MIPOL1: variants seen among roughly 807,000 people sequenced by gnomAD.
MIPOL1 encodes mirror-image polydactyly gene 1 protein.
Under a neutral mutation model 60.9 loss-of-function variants are expected in MIPOL1, and 57 were observed. The observed-to-expected ratio is 0.94, with a 90% CI of 0.76 to 1.17. The LOEUF is 1.17. MIPOL1 is among the 50% of genes most tolerant of loss of function. The probability of loss-of-function intolerance (pLI) is 0.00; values close to 1 mark genes in which losing one functional copy is unlikely to be tolerated. For missense variants in MIPOL1, 551 were observed against 511.6 expected (o/e 1.08, Z -0.74); for synonymous variants, 179 against 168.8 (o/e 1.06, Z -0.47).
intron 10 of MIPOL1, among the ~76,000 whole-genome samples, chr14:37,422,223 A>T (rs898853965): frequency 4.6e-5 from 7 of 152,064 alleles, no homozygotes; most frequent in Non-Finnish European, 1.0e-4. Context: ...AAATTATAGC[A>T]GGAAGGAACA....
intron 9 of MIPOL1, among the ~76,000 whole-genome samples, chr14:37,350,297 T>C (rs1003781689): frequency 6.6e-6 from 1 of 152,172 alleles, no homozygotes; most frequent in Admixed American, 6.5e-5. Flanking sequence ...TGGTTGGTCT[T>C]GCACTCCTGG....
intron 3 of MIPOL1, among the ~76,000 whole-genome samples, chr14:37,258,818 C>T (rs1325219100): frequency 6.6e-6 from 1 of 151,712 alleles, no homozygotes; most frequent in Non-Finnish European, 1.5e-5. Flanking sequence ...TTGATTCATT[C>T]GTGACTACTT....
intron 11 of MIPOL1, among the ~76,000 whole-genome samples, chr14:37,436,722 C>T (rs1334851402): frequency 1.3e-5 from 2 of 152,178 alleles, no homozygotes; most frequent in African/African-American, 2.4e-5. Flanking sequence ...GCAGTACAGT[C>T]AGATATCCGG....
chr14:37,395,312 G>A (rs1459449147), intron 10 of MIPOL1, among the ~76,000 whole-genome samples: 1 of 152,092 alleles, frequency 6.6e-6, no homozygotes, highest in Admixed American at 6.5e-5. Context: ...GATAGGGATT[G>A]CATTGAATTT....
chr14:37,483,349 A>C (rs559910846), intron 11 of MIPOL1, among the ~76,000 whole-genome samples: 1 of 152,178 alleles, frequency 6.6e-6, no homozygotes, highest in Admixed American at 6.5e-5. Context: ...TCCTGGGCTC[A>C]AGCGATCGAA....
chr14:37,221,857 C>T (rs1968827123), intron 1 of MIPOL1, among the ~76,000 whole-genome samples: 1 of 152,140 alleles, frequency 6.6e-6, no homozygotes, highest in African/African-American at 2.4e-5. Flanking sequence ...AGGGGACATT[C>T]AAACCATGGC....
intron 9 of MIPOL1, among the ~76,000 whole-genome samples, chr14:37,340,990 C>T (rs916540055): frequency 6.6e-6 from 1 of 152,090 alleles, no homozygotes; most frequent in Non-Finnish European, 1.5e-5. Context: ...GTTACACTTG[C>T]CTACAGTATT....
chr14:37,399,336 G>A lies in MIPOL1; in HGVS notation c.937-23519G>A, dbSNP rs80099077. On this transcript the variant is annotated intron_variant, in intron 10 of 12. Transcript: ENST00000684589. ...ACTTGCCCTATGAGATTCCATCTTC[G>A]TATATGCTTTCACATCTCCTTCTCC... is the stretch of plus-strand genomic sequence containing the variant. Among the ~76,000 whole-genome samples, 747 of 152,214 alleles carry A rather than the reference G, an allele frequency of 4.9e-3. 4 individuals carry two copies. Among genetic ancestry groups the A allele is most frequent in the African/African-American group, 0.015 (643 of 41,532 alleles).
At chr14:37,518,484 A>G (rs375841923) in intron 12 of MIPOL1, among the ~76,000 whole-genome samples, 1 of 152,078 alleles carries the variant, frequency 6.6e-6, no homozygotes. Flanking sequence ...ACAGGCACAC[A>G]TCAACACACC....
At chr14:37,471,074 A>G (rs2094682710) in intron 11 of MIPOL1, among the ~76,000 whole-genome samples, 2 of 152,210 alleles carry the variant, frequency 1.3e-5, no homozygotes, top group African/African-American at 4.8e-5. Context: ...AAAACTGCAC[A>G]TGTACTCACT....
intron 11 of MIPOL1, among the ~76,000 whole-genome samples, chr14:37,484,495 G>T (rs182915893): frequency 1.3e-3 from 194 of 151,918 alleles, no homozygotes; most frequent in African/African-American, 4.6e-3. Flanking sequence ...GTCCTACCGC[G>T]CCCAGCACAT....
intron 10 of MIPOL1, among the ~76,000 whole-genome samples, chr14:37,399,078 A>G (rs774900125): frequency 1.1e-4 from 16 of 152,346 alleles, no homozygotes; most frequent in Middle Eastern, 6.8e-3. Context: ...GCTCTACACT[A>G]TAAGGGGCCA....
chr14:37,522,064 AT>A (rs142633093), intron 12 of MIPOL1, among the ~76,000 whole-genome samples: 12,261 of 149,070 alleles, frequency 0.082, 1,661 homozygotes, highest in African/African-American at 0.28. Context: ...ACTCTCATCA[AT>A]TTAACACATT....
intron 6 of MIPOL1, 117 bp downstream of exon 6, chr14:37,270,642 T>C: frequency 2.5e-5 from 1 of 39,404 alleles, no homozygotes; most frequent in East Asian, 5.1e-4. Context: ...GAAGCTCTCC[T>C]TTTTTTTTTT....
At position 37,369,546 on chromosome 14, in the gene MIPOL1, T is replaced by C. The variant is rs773280496; in HGVS notation, c.858T>C (p.His286=). The C allele has an allele frequency of 1.2e-6, 2 of 1,613,330 alleles. No individual in the cohort carries two copies. Among genetic ancestry groups the C allele is most frequent in the South Asian group, 1.1e-5 (1 of 91,060 alleles). Residue 286 remains histidine, a synonymous_variant, in exon 10 of 13, where the codon CAT becomes CAC. Transcript: ENST00000684589. ...AACGGTTAGAGCAGGAGCTTCATCA[T>C]GTGAAAGAGCAGAACCAGACTTCAG... The part of the protein sequence containing the change: ...KCKRLEQELH[H]VKEQNQTSAN...
intron 12 of MIPOL1, among the ~76,000 whole-genome samples, chr14:37,532,979 A>G (rs1469940725): frequency 6.6e-6 from 1 of 152,162 alleles, no homozygotes; most frequent in East Asian, 1.9e-4. Flanking sequence ...ATATGTTTGT[A>G]CACTATTTTG....
intron 3 of MIPOL1, among the ~76,000 whole-genome samples, chr14:37,257,133 T>TGTGTGTG (rs1594768334): frequency 8.4e-5 from 6 of 71,032 alleles, no homozygotes; most frequent in African/African-American, 1.8e-4. Flanking sequence ...GTGTGTGTGT[T>TGTGTGTG]TGAGAAACAA....
intron 7 of MIPOL1, 26 bp from the exon 8 acceptor site, chr14:37,308,030 A>C: frequency 6.2e-7 from 1 of 1,602,532 alleles, no homozygotes; most frequent in African/African-American, 1.3e-5. Flanking sequence ...GCTACTGATC[A>C]GGCTTTCTGT....
intron 9 of MIPOL1, among the ~76,000 whole-genome samples, chr14:37,339,355 G>A: frequency 6.6e-6 from 1 of 152,190 alleles, no homozygotes; most frequent in East Asian, 1.9e-4. Flanking sequence ...TTGCTAATGG[G>A]AGTGTGAAAT....
Sources: gnomAD v4.1 joint callset for allele counts (sites outside exome capture counted in the v4.1 genomes callset) on GRCh38, gnomAD v4.1.1 for gene constraint, MANE v1.5 for transcripts, NCBI Gene and HGNC (gene_info 2026-07-23, HGNC 2026-07-21) for gene names.